Variants in NCOR2 observed in about 807,000 individuals in gnomAD.
NCOR2 encodes the protein nuclear receptor corepressor 2.
A neutral mutation model predicts 262.9 loss-of-function variants in NCOR2; 81 were observed. The observed-to-expected ratio is 0.31, with a 90% CI of 0.26 to 0.37. The LOEUF (loss-of-function observed/expected upper bound fraction) is 0.37. Ranked by LOEUF, NCOR2 falls within the 10% of genes least tolerant of loss-of-function variation. The pLI is 1.00. For missense variants in NCOR2, 3,385 were observed against 3,621.4 expected (o/e 0.93, Z 1.68); for synonymous variants, 1,659 against 1,559.3 (o/e 1.06, Z -1.51).
chr12:124,545,442 A>G (rs1449195636), intron 1 of NCOR2, among the ~76,000 whole-genome samples: 1 of 152,144 alleles, frequency 6.6e-6, no homozygotes, highest in Non-Finnish European at 1.5e-5. Flanking sequence ...AGGTTTCCCC[A>G]TGGGTCCCCA....
chr12:124,505,758 G>A (rs1243030072), intron 1 of NCOR2, among the ~76,000 whole-genome samples: 1 of 152,108 alleles, frequency 6.6e-6, no homozygotes, highest in African/African-American at 2.4e-5. Flanking sequence ...CCTCTGCCAC[G>A]CCGACCACTC....
exon 38 of NCOR2, chr12:124,336,812 T>A (rs1186402893): frequency 6.2e-7 from 1 of 1,613,104 alleles, no homozygotes; most frequent in African/African-American, 1.3e-5. Context: ...CTTTTCCCGG[T>A]GCGGGTCCGA....
intron 3 of NCOR2, among the ~76,000 whole-genome samples, chr12:124,479,400 CGCACGCACACACAGGTACAT>C (rs1302594828): frequency 2.9e-4 from 44 of 151,942 alleles, no homozygotes; most frequent in Non-Finnish European, 6.2e-4. Context: ...CATGGACACA[CGCACGCACACACAGGTACAT>C]GCACGCACAC....
At chr12:124,555,461 G>A (rs76322511) in intron 1 of NCOR2, among the ~76,000 whole-genome samples, 19,603 of 152,230 alleles carry the variant, frequency 0.13, 1,335 homozygotes, top group South Asian at 0.16. Flanking sequence ...GACAACGTCC[G>A]CAGGATGTAT....
In NCOR2 at chr12:124,454,993, C is replaced by T. The variant is rs2045760161; in HGVS notation, c.762+2113G>A. ...CACAAAAAGGAACGAAGGACCGACC[C>T]ACGCTCGACACGGATGAACCTCGAA... On this transcript the variant is annotated intron_variant, in intron 6 of 46. Coordinates refer to ENST00000405201, the Ensembl canonical transcript of NCOR2. This position sits in a 1 kb window ranked among gnomAD's most constrained non-coding sequence, Gnocchi z 5.6. 6.6e-6 allele frequency among the ~76,000 whole-genome samples: 1 copy of T among 151,590 alleles called. No homozygotes were observed. The highest frequency in any genetic ancestry group is 2.4e-5 in the African/African-American group (1 of 41,386).
At chr12:124,467,799 C>A (rs1221574544) in intron 4 of NCOR2, among the ~76,000 whole-genome samples, 9 of 80,972 alleles carry the variant, frequency 1.1e-4, no homozygotes, top group Admixed American at 1.1e-3. Context: ...TCATCACCCC[C>A]ATCATCCTCA....
chr12:124,489,549 A>G (rs2047965833), intron 1 of NCOR2, among the ~76,000 whole-genome samples: 1 of 152,218 alleles, frequency 6.6e-6, no homozygotes, highest in Admixed American at 6.5e-5. Flanking sequence ...GGACAGCAGC[A>G]AACCTGACTT....
Position 124,440,512 on chromosome 12 carries a change from A to G in NCOR2, c.816-2516T>C, listed in dbSNP as rs114999212. ...CTCATAACAGGGTGTCTCTGAGCAC[A>G]CCTCAGAAGCCCTCAGTTTCCTCAT... On this transcript the variant is annotated intron_variant, in intron 7 of 46. Transcript: ENST00000405201. This position sits in a 1 kb window ranked among gnomAD's most constrained non-coding sequence, Gnocchi z 5.7. Among the ~76,000 whole-genome samples the G allele has an allele frequency of 0.022, 3,313 of 152,234 alleles. 138 individuals carry two copies. Among genetic ancestry groups the G allele is most frequent in the African/African-American group, 0.076 (3,136 of 41,522 alleles).
chr12:124,540,636 G>T (rs1260206611), intron 1 of NCOR2, among the ~76,000 whole-genome samples: 1 of 5,066 alleles, frequency 2.0e-4, no homozygotes, highest in African/African-American at 1.1e-3. Context: ...GAGCTAGAGG[G>T]GGGTGGGGAG....
At chr12:124,499,064 C>T (rs1275984757), upstream of NCOR2, among the ~76,000 whole-genome samples, 32 of 152,182 alleles carry the variant, frequency 2.1e-4, no homozygotes, top group Admixed American at 2.0e-3. Context: ...ATAGAGGAGG[C>T]GGGTGTGCAG....
rs984877763 is a variant in NCOR2 at position 124,344,502 on chromosome 12, T to C, written c.4714+95A>G. 28 of 1,167,296 alleles carry C rather than the reference T, an allele frequency of 2.4e-5. No individual in the cohort carries two copies. In the African/African-American group the frequency reaches 3.8e-4, roughly 16 times the overall value. 72.3% of individuals were successfully genotyped at this position (1,167,296 alleles called of 1,614,324 possible). A position where few individuals can be genotyped will look rare whatever the true frequency, so the allele number is the denominator to read the frequency against. On this transcript the variant is annotated intron_variant, in intron 32 of 46. Transcript: ENST00000405201. ...TGTGGTGGAAAGCGGGTGGCGAGGA[T>C]ATCCCAGGTGCAAACTAAGCTAATG... is the stretch of plus-strand genomic sequence containing the variant.
At chr12:124,527,205 C>T (rs1167354119) in intron 1 of NCOR2, among the ~76,000 whole-genome samples, 1 of 152,114 alleles carries the variant, frequency 6.6e-6, no homozygotes, top group Non-Finnish European at 1.5e-5. Flanking sequence ...AACACGGCGC[C>T]CCGCACAGAC....
At chr12:124,425,374 GA>G (rs2043471875) in intron 11 of NCOR2, among the ~76,000 whole-genome samples, 1 of 151,170 alleles carries the variant, frequency 6.6e-6, no homozygotes, top group Non-Finnish European at 1.5e-5. Context: ...ACTCTGTCTT[GA>G]AAAGAAGAAA....
At chr12:124,392,322 TC>T (rs2041362645) in intron 16 of NCOR2, among the ~76,000 whole-genome samples, 1 of 152,078 alleles carries the variant, frequency 6.6e-6, no homozygotes, top group Non-Finnish European at 1.5e-5. Flanking sequence ...AATTTTTTCC[TC>T]CCTCCAAACC....
At chr12:124,561,414 G>T (rs1318759265) in intron 1 of NCOR2, among the ~76,000 whole-genome samples, 4 of 152,238 alleles carry the variant, frequency 2.6e-5, no homozygotes, top group Non-Finnish European at 4.4e-5. Flanking sequence ...GGCCAGAATG[G>T]AAGGAGACTC....
chr12:124,429,345 T>C, intron 10 of NCOR2: 1 of 495,978 alleles, frequency 2.0e-6, no homozygotes, highest in South Asian at 2.5e-5. Flanking sequence ...CCCCTCCCTG[T>C]TGTGGCATCT....
intron 13 of NCOR2, among the ~76,000 whole-genome samples, chr12:124,403,938 G>A (rs1049105993): frequency 2.0e-5 from 3 of 152,198 alleles, no homozygotes; most frequent in Non-Finnish European, 4.4e-5. Context: ...TGTTCTGTAA[G>A]AGGAGCCAGG....
At chr12:124,455,377 C>G (rs1436398838) in intron 6 of NCOR2, among the ~76,000 whole-genome samples, 4 of 152,188 alleles carry the variant, frequency 2.6e-5, no homozygotes, top group South Asian at 2.1e-4. Flanking sequence ...CGCCCAGGCC[C>G]GAGGATGTGC....
intron 38 of NCOR2, 74 bp downstream of exon 40, chr12:124,336,679 C>A: frequency 6.4e-7 from 1 of 1,554,368 alleles, no homozygotes; most frequent in Non-Finnish European, 8.7e-7. Flanking sequence ...CTCCTTCTCG[C>A]GCCCCTTTAT....
Sources: gnomAD v4.1 joint callset for allele counts (sites outside exome capture counted in the v4.1 genomes callset) on GRCh38, gnomAD v4.1.1 for gene constraint, Gnocchi (gnomAD v3.1) non-coding constraint, MANE v1.5 for transcripts, NCBI Gene and HGNC (gene_info 2026-07-23, HGNC 2026-07-21) for gene names.